U2AF2: variants seen among roughly 807,000 people sequenced by gnomAD.
The protein encoded by U2AF2 is U2 small nuclear RNA auxiliary factor 2, also known as splicing factor U2AF 65 kDa subunit.
In U2AF2, 6 loss-of-function variants were observed where a neutral mutation model predicts 52.6. The observed-to-expected ratio is 0.11, with a 90% confidence interval of 0.06 to 0.23. The LOEUF is 0.23. Among genes scored for constraint, U2AF2 ranks in the 10% least tolerant of loss-of-function variants. The pLI is 1.00. For synonymous variants in U2AF2, 284 were observed against 258.2 expected (o/e 1.10, Z -0.96); for missense variants, 222 against 677.1 (o/e 0.33, Z 7.46).
Position 55,655,056 on chromosome 19 carries a change from CGGCAA to C in U2AF2, c.-45_-41del. 6.3e-7 allele frequency: 1 copy of C among 1,599,112 alleles called. No individual in the cohort carries two copies. The highest frequency in any genetic ancestry group is 1.1e-5 in the South Asian group (1 of 90,134). The stretch of plus-strand genomic sequence containing the variant: ...AAGTAGCCGAAGCGGCTGGAGCGGG[CGGCAA>C]GGCGAGGCGAAAGCTGCACAGGGCC... On this transcript the variant is annotated 5_prime_UTR_variant, in exon 1 of 12. Coordinates refer to ENST00000308924, the MANE Select transcript of U2AF2 (RefSeq NM_007279.3).
In U2AF2 at chr19:55,668,905, C is replaced by T; in HGVS notation, c.945+113C>T. 6.5e-7 allele frequency: 1 copy of T among 1,530,470 alleles called. No individual in the cohort carries two copies. Among genetic ancestry groups the T allele is most frequent in the African/African-American group, 1.4e-5 (1 of 73,350 alleles). The allele number at this position is 1,530,470 out of a possible 1,614,324, so 94.8% of individuals were successfully genotyped here. On this transcript the variant is annotated intron_variant, in intron 9 of 11. Coordinates refer to ENST00000308924, the MANE Select transcript of U2AF2 (RefSeq NM_007279.3). The surrounding 1 kb of genome is among the most constrained non-coding windows in gnomAD (Gnocchi z 5.5). Reference sequence around the variant, plus strand: ...GGGGCGGGAGGCGGCCAACCTGAGGCAGTGCCCTGTGTGTGGGCTCGTCCC... The same window carrying T: ...GGGGCGGGAGGCGGCCAACCTGAGGTAGTGCCCTGTGTGTGGGCTCGTCCC...
chr19:55,660,351 A>C, intron 3 of U2AF2, 130 bp downstream of exon 3: 1 of 1,184,794 alleles, frequency 8.4e-7, no homozygotes, highest in South Asian at 1.4e-5. Context: ...CCTTGAAACC[A>C]GCACCCCTTT....
At chr19:55,665,626 C>A (rs1156520199) in intron 7 of U2AF2, among the ~76,000 whole-genome samples, 1 of 152,244 alleles carries the variant, frequency 6.6e-6, no homozygotes, top group Non-Finnish European at 1.5e-5. Flanking sequence ...GAGTCCAACG[C>A]TGGCCCACTG....
chr19:55,669,268 C>T, intron 10 of U2AF2, 87 bp downstream of exon 10: 1 of 1,562,548 alleles, frequency 6.4e-7, no homozygotes, highest in Non-Finnish European at 8.7e-7. Context: ...TTTCTCCCAG[C>T]TTTCATGGGA....
chr19:55,663,554 C>CTGTACTA, intron 6 of U2AF2, 52 bp from the exon 7 acceptor site: 1 of 1,591,216 alleles, frequency 6.3e-7, no homozygotes, highest in Non-Finnish European at 8.6e-7. Context: ...ACACTAGGGG[C>CTGTACTA]TGTACTAGTC....
chr19:55,655,226 C>T, intron 1 of U2AF2, 73 bp downstream of exon 1: 2 of 1,518,734 alleles, frequency 1.3e-6, no homozygotes, highest in South Asian at 1.2e-5. Flanking sequence ...CCGCCATTTT[C>T]TCCCTCGCTT....
In U2AF2 at chr19:55,663,743, T is replaced by G. The variant is rs780169530; in HGVS notation, c.741T>G (p.Pro247=). The change falls in exon 7 of 12, where the codon CCT becomes CCG. Residue 247 remains proline, a splice_region_variant and synonymous_variant. Transcript: ENST00000308924. The part of the protein sequence containing the change: ...GMSENPSVYV[P]GVVSTVVPDS... ...CAGAGAACCCCTCCGTCTATGTGCC[T>G]GGTGAGTGGGGGATCCATTAAGGGC... 6.2e-7 allele frequency: 1 copy of G among 1,614,100 alleles called. No individual in the cohort carries two copies. The highest frequency in any genetic ancestry group is 8.5e-7 in the Non-Finnish European group (1 of 1,180,004).
chr19:55,659,186 G>T, intron 1 of U2AF2, 24 bp from the exon 2 acceptor site: 1 of 1,527,302 alleles, frequency 6.5e-7, no homozygotes, highest in Non-Finnish European at 8.8e-7. Context: ...CTTATCCCGT[G>T]CCCCTCCTCT....
rs772625199 is a variant in U2AF2, at chr19:55,674,075, CTGGGGGAGGG to C, written c.*14_*23del. ...CCGCCGGGACTTCTGGTAGAGGCGG[CTGGGGGAGGG>C]TGGGGGCAGGGCTGGCTGGGGGCTT... is the stretch of plus-strand genomic sequence containing the variant. On this transcript the variant is annotated 3_prime_UTR_variant, in exon 12 of 12. Transcript: ENST00000308924. 2.2e-6 allele frequency: 2 copies of C among 892,498 alleles called. No individual in the cohort carries two copies. Among genetic ancestry groups the C allele is most frequent in the African/African-American group, 1.7e-5 (1 of 57,492 alleles). 55.3% of individuals were successfully genotyped at this position (892,498 alleles called of 1,614,324 possible).
At chr19:55,667,011 A>G (rs1041961228) in intron 7 of U2AF2, among the ~76,000 whole-genome samples, 6 of 152,166 alleles carry the variant, frequency 3.9e-5, no homozygotes, top group African/African-American at 1.4e-4. Flanking sequence ...TGCCTGGCCC[A>G]TGGGGTGAGT....
intron 7 of U2AF2, among the ~76,000 whole-genome samples, chr19:55,667,657 C>A (rs928042541): frequency 2.6e-5 from 4 of 152,198 alleles, no homozygotes; most frequent in African/African-American, 9.6e-5. Context: ...GCTAATGCTG[C>A]GGATGCTGTT....
Position 55,668,385 on chromosome 19 carries a change from C to G in U2AF2, c.743-122C>G. 9.9e-7 allele frequency: 1 copy of G among 1,012,930 alleles called. No individual in the cohort carries two copies. The highest frequency in any genetic ancestry group is 1.4e-6 in the Non-Finnish European group (1 of 708,222). 62.7% of individuals were successfully genotyped at this position (1,012,930 alleles called of 1,614,324 possible). Reference sequence around the variant, plus strand: ...GGGTGGGGTGGGCACGTGGCGACCCCTCCCTCGTCAGATCAGGCAGGAAGT... The same window carrying G: ...GGGTGGGGTGGGCACGTGGCGACCCGTCCCTCGTCAGATCAGGCAGGAAGT... On this transcript the variant is annotated intron_variant, in intron 7 of 11. Transcript: ENST00000308924. The surrounding 1 kb of genome is among the most constrained non-coding windows in gnomAD (Gnocchi z 5.5).
chr19:55,661,499 GAC>G (rs59262812), intron 5 of U2AF2, among the ~76,000 whole-genome samples: 2,039 of 145,160 alleles, frequency 0.014, 31 homozygotes, highest in East Asian at 0.029. Flanking sequence ...GGGAGACTTG[GAC>G]ACACACACAC....
At chr19:55,669,810 C>T (rs1568554832) in intron 11 of U2AF2, 118 bp downstream of exon 11, 42 of 1,396,194 alleles carry the variant, frequency 3.0e-5, no homozygotes, top group Admixed American at 2.8e-5. Context: ...CGCGCTCTTT[C>T]TTCCTCTCTC....
rs903839570 is a variant in U2AF2, at chr19:55,668,990, C to G, written c.946-93C>G. Reference sequence around the variant, plus strand: ...TCCCCTTTGCCTTCCCCTCTTCCCCCACCAATGCCCCGGCTTGGGGGTAGG... The same window carrying G: ...TCCCCTTTGCCTTCCCCTCTTCCCCGACCAATGCCCCGGCTTGGGGGTAGG... On this transcript the variant is annotated intron_variant, in intron 9 of 11. Transcript: ENST00000308924. The surrounding 1 kb of genome is among the most constrained non-coding windows in gnomAD (Gnocchi z 5.5). 1 of 1,510,046 alleles carries G rather than the reference C, an allele frequency of 6.6e-7. No individual in the cohort carries two copies. Among genetic ancestry groups the G allele is most frequent in the Non-Finnish European group, 9.0e-7 (1 of 1,113,078 alleles). The allele number at this position is 1,510,046 out of a possible 1,614,324, so 93.5% of individuals were successfully genotyped here.
At chr19:55,669,877 G>A (rs914173504) in intron 11 of U2AF2, among the ~76,000 whole-genome samples, 185 bp downstream of exon 11, 1 of 152,146 alleles carries the variant, frequency 6.6e-6, no homozygotes, top group African/African-American at 2.4e-5. Flanking sequence ...CCGCCCTCAG[G>A]CCGGGCCATG....
chr19:55,670,531 TCC>T (rs1984841551), intron 11 of U2AF2: 2 of 328,492 alleles, frequency 6.1e-6, no homozygotes, highest in Admixed American at 7.1e-5. Context: ...CACCCTGCTG[TCC>T]CTGCACCCTG....
chr19:55,663,496 T>C, intron 6 of U2AF2, 110 bp from the exon 7 acceptor site: 2 of 1,486,070 alleles, frequency 1.3e-6, no homozygotes, highest in South Asian at 1.4e-5. Flanking sequence ...CCTGGCATGT[T>C]GTATTTGTTC....
intron 4 of U2AF2, 100 bp downstream of exon 4, chr19:55,660,719 C>A: frequency 1.7e-6 from 2 of 1,206,290 alleles, no homozygotes; most frequent in Non-Finnish European, 2.4e-6. Context: ...GGGTCAAAGA[C>A]ACAGGTAGAG....
Sources: gnomAD v4.1 joint callset for allele counts (sites outside exome capture counted in the v4.1 genomes callset) on GRCh38, gnomAD v4.1.1 for gene constraint, Gnocchi (gnomAD v3.1) non-coding constraint, MANE v1.5 for transcripts, NCBI Gene and HGNC (gene_info 2026-07-23, HGNC 2026-07-21) for gene names.